Variants in CLMP observed in about 807,000 individuals in gnomAD.
The protein encoded by CLMP is CXADR-like membrane protein.
A neutral mutation model predicts 45.2 loss-of-function variants in CLMP; 27 were observed. That is an observed-to-expected ratio of 0.60 (90% CI 0.44 to 0.82). The LOEUF is 0.82. Ranked by LOEUF, CLMP falls within the 40% of genes least tolerant of loss-of-function variation. The pLI is 0.00. For missense variants in CLMP, 403 were observed against 448.4 expected, an observed-to-expected ratio of 0.90 and a Z score of 0.91; for synonymous variants, 167 against 171.4, an observed-to-expected ratio of 0.97 and a Z score of 0.20.
At chr11:123,167,158 T>A (rs547773206) in intron 1 of CLMP, among the ~76,000 whole-genome samples, 2 of 152,344 alleles carry the variant, frequency 1.3e-5, no homozygotes, top group South Asian at 2.1e-4. Flanking sequence ...GATCACTCTA[T>A]GAAGAGGTAT....
chr11:123,184,608 C>T (rs111640991), intron 1 of CLMP, among the ~76,000 whole-genome samples: 113 of 152,272 alleles, frequency 7.4e-4, no homozygotes, highest in African/African-American at 2.6e-3. Flanking sequence ...AGCCCATACA[C>T]GACTCTTGCC....
At chr11:123,098,876 G>A in intron 1 of CLMP, among the ~76,000 whole-genome samples, 1 of 151,678 alleles carries the variant, frequency 6.6e-6, no homozygotes, top group East Asian at 1.9e-4. Context: ...GTACTTTTTA[G>A]TAGAGACGGG....
intron 2 of CLMP, among the ~76,000 whole-genome samples, chr11:123,088,711 C>T (rs945300829): frequency 6.6e-6 from 1 of 152,158 alleles, no homozygotes; most frequent in Admixed American, 6.5e-5. Flanking sequence ...TTGCAACCTC[C>T]GCCTCCTGGG....
chr11:123,074,370 T>C (rs571805862), intron 6 of CLMP, among the ~76,000 whole-genome samples: 54 of 152,112 alleles, frequency 3.6e-4, no homozygotes, highest in African/African-American at 1.3e-3. Flanking sequence ...TTTGTAAAGA[T>C]GGAGTCTAAC....
rs552986590 is a variant in CLMP, at chr11:123,117,583, T to C, written c.29-19631A>G. 4.6e-5 allele frequency among the ~76,000 whole-genome samples: 7 copies of C among 152,046 alleles called. No individual in the cohort carries two copies. The East Asian group carries it at 9.7e-4, about 21-fold the overall frequency. On this transcript the variant is annotated intron_variant, in intron 1 of 6. Transcript: ENST00000448775. ...CTGGGATTACAGGCACTCGCCACCATGCCTGGCTAATTTTTGTATTTTTAG... is the reference window on the plus strand; with the variant it reads ...CTGGGATTACAGGCACTCGCCACCACGCCTGGCTAATTTTTGTATTTTTAG...
At chr11:123,106,550 A>C (rs967636861) in intron 1 of CLMP, among the ~76,000 whole-genome samples, 1 of 152,152 alleles carries the variant, frequency 6.6e-6, no homozygotes, top group Non-Finnish European at 1.5e-5. Flanking sequence ...GGACTTGAGT[A>C]GTGGCTGTAA....
chr11:123,095,351 G>A (rs1865977330), intron 2 of CLMP, among the ~76,000 whole-genome samples: 1 of 151,758 alleles, frequency 6.6e-6, no homozygotes, highest in African/African-American at 2.4e-5. Flanking sequence ...GGAGTGCAAT[G>A]GCTCGATCTC....
chr11:123,188,441 T>G (rs1228344835), intron 1 of CLMP, among the ~76,000 whole-genome samples: 1 of 148,900 alleles, frequency 6.7e-6, no homozygotes, highest in Non-Finnish European at 1.5e-5. Context: ...TTCCTCCTCC[T>G]CTTCCTCCTC....
chr11:123,150,480 A>AAAGAAAGAAAGAAAAAGG (rs764502298), intron 1 of CLMP, among the ~76,000 whole-genome samples: 12 of 40,988 alleles, frequency 2.9e-4, no homozygotes, highest in Non-Finnish European at 3.8e-4. Flanking sequence ...AGAAAGAAAG[A>AAAGAAAGAAAGAAAAAGG]AAGGAAGGAA....
In CLMP at chr11:123,155,673, C is replaced by A. The variant is rs565862854; in HGVS notation, c.28+39240G>T. Among the ~76,000 whole-genome samples the A allele has an allele frequency of 2.0e-5, 3 of 152,284 alleles. No individual in the cohort carries two copies. The South Asian group carries it at 6.2e-4, about 32-fold the overall frequency. ...GTCCTTTCATCCAGAGATGTGATAG[C>A]CAGCCTCCAAGATGGTCCTCAGGGA... On this transcript the variant is annotated intron_variant, in intron 1 of 6. Transcript: ENST00000448775.
At chr11:123,131,133 G>A (rs1035139505) in intron 1 of CLMP, among the ~76,000 whole-genome samples, 11 of 151,962 alleles carry the variant, frequency 7.2e-5, no homozygotes, top group African/African-American at 2.7e-4. Context: ...GTGAGCCACC[G>A]TGCCCAGCCG....
chr11:123,153,470 T>C (rs944476735), intron 1 of CLMP, among the ~76,000 whole-genome samples: 5 of 152,168 alleles, frequency 3.3e-5, no homozygotes, highest in African/African-American at 9.7e-5. Flanking sequence ...CCTCCTTCCT[T>C]GTGCCCCTTA....
At chr11:123,105,245 C>T (rs949415977) in intron 1 of CLMP, among the ~76,000 whole-genome samples, 1 of 152,226 alleles carries the variant, frequency 6.6e-6, no homozygotes, top group African/African-American at 2.4e-5. Flanking sequence ...TCTTCCCCTG[C>T]TCATCTCTGC....
intron 1 of CLMP, among the ~76,000 whole-genome samples, chr11:123,172,000 T>C (rs930194087): frequency 6.6e-6 from 1 of 152,016 alleles, no homozygotes; most frequent in South Asian, 2.1e-4. Flanking sequence ...GATTTTACTA[T>C]ACTGTATATA....
chr11:123,194,564 C>A (rs977210748), intron 1 of CLMP, among the ~76,000 whole-genome samples: 2 of 152,286 alleles, frequency 1.3e-5, no homozygotes, highest in East Asian at 3.9e-4. Context: ...CAACAAAAAA[C>A]CCCCACCCTC....
intron 1 of CLMP, among the ~76,000 whole-genome samples, chr11:123,150,525 AAGGAAAGAAACAAGC>A (rs1565397627): frequency 3.2e-5 from 4 of 126,406 alleles, no homozygotes; most frequent in African/African-American, 9.3e-5. Flanking sequence ...GGAAGGAAGG[AAGGAAAGAAACAAGC>A]AAGGAAGGAA....
chr11:123,087,827 GACAAA>G (rs1160771360), intron 2 of CLMP, among the ~76,000 whole-genome samples: 2 of 151,724 alleles, frequency 1.3e-5, no homozygotes, highest in Admixed American at 6.6e-5. Context: ...CTCAAAACAA[GACAAA>G]ACAAAACAGA....
intron 2 of CLMP, among the ~76,000 whole-genome samples, chr11:123,095,839 T>A (rs1233386914): frequency 6.6e-6 from 1 of 152,128 alleles, no homozygotes; most frequent in African/African-American, 2.4e-5. Flanking sequence ...TAACCTGACT[T>A]AGCAGCATTC....
chr11:123,170,831 G>A (rs984600223), intron 1 of CLMP, among the ~76,000 whole-genome samples: 3 of 152,170 alleles, frequency 2.0e-5, no homozygotes, highest in African/African-American at 4.8e-5. Context: ...ACTCCCTGCT[G>A]CCTCCTTGGT....
Sources: allele counts gnomAD v4.1 joint callset (sites outside exome capture counted in the v4.1 genomes callset), GRCh38; gene constraint gnomAD v4.1.1; transcripts MANE v1.5; gene names NCBI Gene and HGNC (gene_info 2026-07-23, HGNC 2026-07-21).